The following TEC variants were observed in gnomAD, a reference collection of about 807,000 sequenced individuals.
TEC encodes the protein tec protein tyrosine kinase, also known as tyrosine-protein kinase Tec.
Under a neutral mutation model 93.0 loss-of-function variants are expected in TEC, and 72 were observed. That is an observed-to-expected ratio of 0.77 (90% CI 0.64 to 0.94). The LOEUF is 0.94. Ranked by LOEUF, TEC falls within the 40% of genes least tolerant of loss-of-function variation. The pLI is 0.00. For missense variants in TEC, 630 were observed against 757.9 expected (o/e 0.83, Z 1.98); for synonymous variants, 249 against 247.7 (o/e 1.01, Z -0.05).
intron 11 of TEC, among the ~76,000 whole-genome samples, chr4:48,148,591 C>T (rs142498374): frequency 1.2e-3 from 190 of 152,286 alleles, no homozygotes; most frequent in Non-Finnish European, 2.0e-3. Context: ...TGAATCCTGG[C>T]TTATCTGGCA....
At chr4:48,266,838 CA>C (rs5858113) in intron 1 of TEC, among the ~76,000 whole-genome samples, 97,231 of 132,346 alleles carry the variant, frequency 0.73, 35,450 homozygotes, top group Non-Finnish European at 0.84. Context: ...AACTCTGTCT[CA>C]AAAAAAAAAA....
chr4:48,194,564 C>T (rs1175062987), intron 2 of TEC, among the ~76,000 whole-genome samples: 2 of 152,174 alleles, frequency 1.3e-5, no homozygotes, highest in Admixed American at 6.5e-5. Flanking sequence ...TCCTTGTTTT[C>T]AATGAATACA....
intron 1 of TEC, among the ~76,000 whole-genome samples, chr4:48,248,843 TTC>T (rs1048509594): frequency 1.1e-4 from 17 of 149,788 alleles, no homozygotes; most frequent in Middle Eastern, 3.4e-3. Context: ...ACATTGTTGT[TTC>T]TCTCTCTTTG....
Position 48,150,426 on chromosome 4 carries a change from A to G in TEC, c.872+437T>C, listed in dbSNP as rs1240388241. On this transcript the variant is annotated intron_variant, in intron 10 of 17. Transcript: ENST00000381501. ...GGAGAGCGTTCATGACTAACTCAAG[A>G]TGTGCCTGGGCTGTGTATGTACCAT... Among the ~76,000 whole-genome samples the G allele has an allele frequency of 2.0e-5, 3 of 152,076 alleles. No individual in the cohort carries two copies. In the East Asian group the frequency reaches 5.8e-4, roughly 29 times the overall value.
rs1438063005 is a variant in TEC, at chr4:48,156,702, G to T, written c.770C>A (p.Ala257Glu). Residue 257 changes from alanine (A) to glutamate (E), a missense_variant, in exon 9 of 18, where the codon GCA becomes GAA. Transcript: ENST00000381501. Reference protein sequence around the residue: ...WYCRNMNRSKAEQLLRSEDKE... With the variant: ...WYCRNMNRSKEEQLLRSEDKE... ...TACTTCACTGCGGAGGAGTTGCTCT[G>T]CCTTGCTTCTATTCATATTTCTGCA... 8.7e-6 allele frequency: 14 copies of T among 1,611,974 alleles called. No homozygotes were observed. The South Asian group carries it at 1.5e-4, about 18-fold the overall frequency.
At chr4:48,195,527 C>T (rs1425411513) in intron 2 of TEC, among the ~76,000 whole-genome samples, 2 of 152,174 alleles carry the variant, frequency 1.3e-5, no homozygotes, top group Non-Finnish European at 2.9e-5. Flanking sequence ...TATACAACTG[C>T]TCGTACAGGT....
chr4:48,235,719 T>C (rs1486024608), intron 1 of TEC, among the ~76,000 whole-genome samples: 1 of 152,070 alleles, frequency 6.6e-6, no homozygotes, highest in Admixed American at 6.5e-5. Context: ...AATCCAGGAG[T>C]ATCCCTATGG....
intron 11 of TEC, among the ~76,000 whole-genome samples, chr4:48,146,899 A>T (rs1719939347): frequency 6.6e-6 from 1 of 152,070 alleles, no homozygotes; most frequent in Non-Finnish European, 1.5e-5. Flanking sequence ...CACCCATAGC[A>T]CTCTGTATTT....
At chr4:48,207,347 T>G (rs1722747781) in intron 2 of TEC, among the ~76,000 whole-genome samples, 1 of 152,196 alleles carries the variant, frequency 6.6e-6, no homozygotes, top group African/African-American at 2.4e-5. Flanking sequence ...CTTGAGTTGC[T>G]GGGATACTGC....
intron 1 of TEC, among the ~76,000 whole-genome samples, chr4:48,260,134 C>T (rs1251427893): frequency 2.6e-5 from 4 of 152,184 alleles, no homozygotes; most frequent in African/African-American, 2.4e-5. Flanking sequence ...TTTTATCTGA[C>T]CTATAACTGG....
chr4:48,175,900 T>C (rs546724670), intron 3 of TEC, among the ~76,000 whole-genome samples, 182 bp downstream of exon 3: 1 of 152,272 alleles, frequency 6.6e-6, no homozygotes, highest in African/African-American at 2.4e-5. Context: ...TAGCCCCAAC[T>C]CCTTAAGAAT....
At chr4:48,177,300 T>C (rs1164465809) in intron 2 of TEC, among the ~76,000 whole-genome samples, 5 of 152,224 alleles carry the variant, frequency 3.3e-5, no homozygotes, top group Non-Finnish European at 7.3e-5. Context: ...CACACAAAAG[T>C]TGCATAAAGA....
chr4:48,247,650 A>T (rs955713462), intron 1 of TEC, among the ~76,000 whole-genome samples: 1 of 152,256 alleles, frequency 6.6e-6, no homozygotes, highest in Non-Finnish European at 1.5e-5. Context: ...AAACGGCAAC[A>T]AGTTGTACTG....
At chr4:48,196,801 A>C (rs1722315616) in intron 2 of TEC, among the ~76,000 whole-genome samples, 1 of 152,238 alleles carries the variant, frequency 6.6e-6, no homozygotes, top group African/African-American at 2.4e-5. Context: ...AAACAGAAAA[A>C]GAAATTAACC....
intron 2 of TEC, among the ~76,000 whole-genome samples, chr4:48,206,495 A>G (rs1445798661): frequency 6.6e-6 from 1 of 152,252 alleles, no homozygotes; most frequent in Non-Finnish European, 1.5e-5. Context: ...AACAAAATGT[A>G]GAAATAGGTA....
At chr4:48,169,897 G>A (rs1431244001) in intron 5 of TEC, among the ~76,000 whole-genome samples, 1 of 152,192 alleles carries the variant, frequency 6.6e-6, no homozygotes, top group Admixed American at 6.5e-5. Context: ...TAATCAGACT[G>A]TGGATGCACT....
rs151182298 is a variant in TEC, at chr4:48,211,639, G to A, written c.138+16838C>T. Among the ~76,000 whole-genome samples the A allele has an allele frequency of 2.6e-5, 4 of 152,296 alleles. No homozygotes were observed. In the East Asian group the frequency reaches 7.7e-4, roughly 29 times the overall value. ...CTTCAACTGTGACAGTTTCTCTGCT[G>A]TTGAGATAGACAATGAACGTGAATA... On this transcript the variant is annotated intron_variant, in intron 2 of 17. Transcript: ENST00000381501.
intron 15 of TEC, among the ~76,000 whole-genome samples, chr4:48,139,509 A>T (rs1300709330): frequency 1.4e-5 from 2 of 145,720 alleles, no homozygotes; most frequent in East Asian, 3.9e-4. Context: ...ATGCAAAAAA[A>T]CAAAAACAAA....
At chr4:48,212,538 T>C (rs1722949271) in intron 2 of TEC, among the ~76,000 whole-genome samples, 1 of 152,232 alleles carries the variant, frequency 6.6e-6, no homozygotes, top group Non-Finnish European at 1.5e-5. Flanking sequence ...TGTGGGTTGT[T>C]TACAGTTATA....
Sources: gnomAD v4.1 joint callset for allele counts (sites outside exome capture counted in the v4.1 genomes callset) on GRCh38, gnomAD v4.1.1 for gene constraint, MANE v1.5 for transcripts, NCBI Gene and HGNC (gene_info 2026-07-23, HGNC 2026-07-21) for gene names.